The following SRPK2 variants were observed in gnomAD, a reference collection of about 807,000 sequenced individuals.
The protein encoded by SRPK2 is SFRS protein kinase 2.
SRPK2 carries 21 observed loss-of-function variants against 90.8 expected under a neutral mutation model. The observed-to-expected ratio is 0.23, with a 90% CI of 0.16 to 0.33. The LOEUF is 0.33. Ranked by LOEUF, SRPK2 falls within the 10% of genes least tolerant of loss-of-function variation. The pLI is 1.00. For synonymous variants in SRPK2, 288 were observed against 311.1 expected, an observed-to-expected ratio of 0.93 and a Z score of 0.78; for missense variants, 620 against 869.0, an observed-to-expected ratio of 0.71 and a Z score of 3.60.
At chr7:105,377,417 G>GGCTGGC (rs570057649) in intron 2 of SRPK2, among the ~76,000 whole-genome samples, 3,372 of 152,040 alleles carry the variant, frequency 0.022, 61 homozygotes, top group Middle Eastern at 0.075. Context: ...GCCAGGCTGG[G>GGCTGGC]CGCGGTGGCT....
At chr7:105,284,716 T>G (rs1360555805) in intron 2 of SRPK2, among the ~76,000 whole-genome samples, 1 of 152,184 alleles carries the variant, frequency 6.6e-6, no homozygotes, top group Non-Finnish European at 1.5e-5. Flanking sequence ...AATTCTCACC[T>G]CGAGCATCAG....
At chr7:105,263,651 A>C (rs1372047220) in intron 2 of SRPK2, among the ~76,000 whole-genome samples, 2 of 152,198 alleles carry the variant, frequency 1.3e-5, no homozygotes, top group African/African-American at 4.8e-5. Context: ...TCACAGACTT[A>C]AATGTTAAGA....
intron 7 of SRPK2, among the ~76,000 whole-genome samples, chr7:105,152,754 G>A (rs570339726): frequency 7.2e-5 from 11 of 152,072 alleles, no homozygotes; most frequent in East Asian, 3.9e-4. Flanking sequence ...ACCTTAATAC[G>A]GCTGGGCGCG....
In SRPK2 at chr7:105,204,621, T is replaced by A. The variant is rs950327747; in HGVS notation, c.72-836A>T. 2.0e-5 allele frequency: 14 copies of A among 686,838 alleles called. No homozygotes were observed. The African/African-American group carries it at 2.5e-4, about 12-fold the overall frequency. 42.5% of individuals were successfully genotyped at this position (686,838 alleles called of 1,614,324 possible). A position where few individuals can be genotyped will look rare whatever the true frequency, so the allele number is the denominator to read the frequency against. On this transcript the variant is annotated intron_variant, in intron 2 of 15. Coordinates refer to ENST00000393651, the MANE Select transcript of SRPK2 (RefSeq NM_182692.3). ...GAAGATGACGGCTGCTGTGGAAAGG[T>A]TGCTCTGAGGGTCAGTTGCCCGACA...
chr7:105,395,348 A>T (rs1050408588), intron 1 of SRPK2, among the ~76,000 whole-genome samples: 24 of 149,680 alleles, frequency 1.6e-4, no homozygotes, highest in Admixed American at 3.3e-4. Flanking sequence ...AAATAAATTT[A>T]AAAAAAAAAC....
At chr7:105,378,811 T>C (rs1374286105) in intron 2 of SRPK2, among the ~76,000 whole-genome samples, 1 of 150,440 alleles carries the variant, frequency 6.6e-6, no homozygotes, top group Non-Finnish European at 1.5e-5. Flanking sequence ...GAAAATGCAA[T>C]TGAAAACCAT....
intron 2 of SRPK2, among the ~76,000 whole-genome samples, chr7:105,251,882 G>A (rs1802526814): frequency 6.6e-6 from 1 of 152,176 alleles, no homozygotes; most frequent in South Asian, 2.1e-4. Context: ...TAAATTCAGT[G>A]TCGTGGCTTG....
intron 9 of SRPK2, chr7:105,143,639 A>C (rs1804127282): frequency 9.4e-6 from 3 of 317,502 alleles, no homozygotes; most frequent in Non-Finnish European, 1.7e-5. Context: ...TTGGCCTTAA[A>C]GGAGAAGCTC....
At chr7:105,238,859 C>T (rs1489652578) in intron 2 of SRPK2, among the ~76,000 whole-genome samples, 2 of 151,986 alleles carry the variant, frequency 1.3e-5, no homozygotes, top group Non-Finnish European at 2.9e-5. Flanking sequence ...GACCGAAATA[C>T]CCACGACCAC....
intron 2 of SRPK2, among the ~76,000 whole-genome samples, chr7:105,219,917 GA>G (rs138191269): frequency 0.03 from 4,568 of 152,266 alleles, 233 homozygotes; most frequent in African/African-American, 0.1. Context: ...CATGAGTAAA[GA>G]ATCTTGCTAA....
At chr7:105,327,064 T>C (rs948566473) in intron 2 of SRPK2, among the ~76,000 whole-genome samples, 14 of 82,646 alleles carry the variant, frequency 1.7e-4, no homozygotes, top group African/African-American at 5.5e-4. Flanking sequence ...CAAAACTCCG[T>C]ATCAAAAAAA....
chr7:105,344,393 G>A (rs1430534375), intron 2 of SRPK2, among the ~76,000 whole-genome samples: 1 of 140,262 alleles, frequency 7.1e-6, no homozygotes, highest in Non-Finnish European at 1.5e-5. Context: ...GACCCCAGGT[G>A]TATGCAGCCA....
intron 2 of SRPK2, among the ~76,000 whole-genome samples, chr7:105,296,473 A>C (rs17640711): frequency 6.6e-6 from 1 of 152,006 alleles, no homozygotes; most frequent in African/African-American, 2.4e-5. Flanking sequence ...TTAGTGTATA[A>C]GATTTTAAAA....
chr7:105,380,947 T>TAAAAAAAAA, intron 2 of SRPK2, among the ~76,000 whole-genome samples: 1 of 104,144 alleles, frequency 9.6e-6, no homozygotes, highest in Non-Finnish European at 1.9e-5. Context: ...TTTATTACTT[T>TAAAAAAAAA]AAAAAAAAAA....
chr7:105,341,073 A>G lies in SRPK2; in HGVS notation c.71+47575T>C, dbSNP rs567304419. 2.6e-5 allele frequency among the ~76,000 whole-genome samples: 4 copies of G among 152,328 alleles called. 1 individual carries two copies. The highest frequency in any genetic ancestry group is 7.2e-5 in the African/African-American group (3 of 41,584). ...CACGCAGGATATGGCCAGAAAAAAA[A>G]GAAAACCATAGGCCCGGTGCAGTGG... is the stretch of plus-strand genomic sequence containing the variant. On this transcript the variant is annotated intron_variant, in intron 2 of 15. Coordinates refer to ENST00000393651, the MANE Select transcript of SRPK2 (RefSeq NM_182692.3).
rs571813091 is a variant in SRPK2 at position 105,279,314 on chromosome 7, C to T, written c.72-75529G>A. On this transcript the variant is annotated intron_variant, in intron 2 of 15. Coordinates refer to ENST00000393651, the MANE Select transcript of SRPK2 (RefSeq NM_182692.3). ...CTGATTTAGATAGCTGCTGCTACTA[C>T]TTATGAGAAACTCTGTTTGAGAGAA... Among the ~76,000 whole-genome samples the T allele has an allele frequency of 3.4e-5, 5 of 145,982 alleles. 1 individual carries two copies. Among genetic ancestry groups the T allele is most frequent in the African/African-American group, 1.2e-4 (5 of 40,438 alleles).
chr7:105,294,109 C>G (rs935909603), intron 2 of SRPK2, among the ~76,000 whole-genome samples: 59 of 152,236 alleles, frequency 3.9e-4, no homozygotes, highest in African/African-American at 1.4e-3. Context: ...TACCCATGTG[C>G]CCCTAGTTCC....
chr7:105,335,627 G>A (rs1049792788), intron 2 of SRPK2, among the ~76,000 whole-genome samples: 80 of 148,952 alleles, frequency 5.4e-4, no homozygotes, highest in Middle Eastern at 7.1e-3. Flanking sequence ...ACTCCAGCCC[G>A]GGTGACAGAA....
intron 2 of SRPK2, among the ~76,000 whole-genome samples, chr7:105,244,180 CA>C (rs754220981): frequency 6.6e-6 from 1 of 152,192 alleles, no homozygotes; most frequent in Non-Finnish European, 1.5e-5. Context: ...TCCATGAGAA[CA>C]CAGAGAAGTT....
Sources: allele counts gnomAD v4.1 joint callset (sites outside exome capture counted in the v4.1 genomes callset), GRCh38; gene constraint gnomAD v4.1.1; transcripts MANE v1.5; gene names NCBI Gene and HGNC (gene_info 2026-07-23, HGNC 2026-07-21).